ANAPC1: variants seen among roughly 807,000 people sequenced by gnomAD.
The protein encoded by ANAPC1 is anaphase-promoting complex subunit 1.
In ANAPC1, 36 loss-of-function variants were observed where a neutral mutation model predicts 208.0. The observed-to-expected ratio is 0.17, with a 90% confidence interval of 0.13 to 0.23. The LOEUF is 0.23. Ranked by LOEUF, ANAPC1 falls within the 10% of genes least tolerant of loss-of-function variation. The probability of loss-of-function intolerance (pLI) is 1.00; values close to 1 mark genes in which losing one functional copy is unlikely to be tolerated. For missense variants in ANAPC1, 942 were observed against 2,011.6 expected (o/e 0.47, Z 10.17); for synonymous variants, 378 against 695.2 (o/e 0.54, Z 7.18).
chr2:111,828,808 A>G (rs1679973569), intron 21 of ANAPC1, among the ~76,000 whole-genome samples: 1 of 152,238 alleles, frequency 6.6e-6, no homozygotes, highest in South Asian at 2.1e-4. Context: ...GGGAGTCACT[A>G]TCTAATAGGT....
In ANAPC1 at chr2:111,864,918, A is replaced by G. The variant is rs1682322548; in HGVS notation, c.719T>C (p.Val240Ala). The G allele has an allele frequency of 1.2e-6, 2 of 1,611,618 alleles. No homozygotes were observed. The highest frequency in any genetic ancestry group is 1.3e-5 in the African/African-American group (1 of 74,804). The stretch of plus-strand genomic sequence containing the variant: ...GAAAACAATTTTCATTGCATGATCT[A>G]CAACATATTGCACCCGTGATGAACC... The part of the protein sequence containing the change: ...LFGSSRVQYV[V>A]DHAMKIVFLN... Residue 240 changes from valine (V) to alanine (A), a missense_variant, in exon 8 of 48, where the codon GTA (valine) becomes GCA (alanine). By Grantham distance (64) the Val-to-Ala change is moderately conservative. Coordinates refer to ENST00000341068, the MANE Select transcript of ANAPC1 (RefSeq NM_022662.4).
At chr2:111,795,303 AT>A (rs1248300197) in intron 34 of ANAPC1, among the ~76,000 whole-genome samples, 1 of 151,784 alleles carries the variant, frequency 6.6e-6, no homozygotes, top group Non-Finnish European at 1.5e-5. Flanking sequence ...AATCACTTGA[AT>A]CTGGGAGGTG....
intron 11 of ANAPC1, among the ~76,000 whole-genome samples, 169 bp downstream of exon 11, chr2:111,858,129 ATAACACTG>A (rs1224599250): frequency 3.9e-5 from 6 of 152,160 alleles, no homozygotes; most frequent in African/African-American, 1.4e-4. Flanking sequence ...TGATGGTTGT[ATAACACTG>A]TAATTTACTA....
intron 13 of ANAPC1, among the ~76,000 whole-genome samples, chr2:111,854,470 A>G (rs2104532168): frequency 6.6e-6 from 1 of 152,306 alleles, no homozygotes; most frequent in Admixed American, 6.5e-5. Context: ...AGAGAGTCAG[A>G]CTGTCCTTTG....
chr2:111,875,254 T>G (rs1258967060), intron 3 of ANAPC1, among the ~76,000 whole-genome samples: 1 of 152,206 alleles, frequency 6.6e-6, no homozygotes, highest in Non-Finnish European at 1.5e-5. Context: ...TGCCCAATTT[T>G]TTAATTGGGT....
intron 28 of ANAPC1, among the ~76,000 whole-genome samples, chr2:111,810,152 T>C (rs1217130896): frequency 6.6e-6 from 1 of 152,214 alleles, no homozygotes; most frequent in Non-Finnish European, 1.5e-5. Flanking sequence ...TGGTACAACA[T>C]GGATGAACCC....
At chr2:111,829,786 T>A (rs1308782067) in intron 21 of ANAPC1, among the ~76,000 whole-genome samples, 1 of 152,144 alleles carries the variant, frequency 6.6e-6, no homozygotes, top group Non-Finnish European at 1.5e-5. Flanking sequence ...AAAATCAGTA[T>A]GGGACGGGCA....
At chr2:111,843,138 T>C (rs934796058) in intron 17 of ANAPC1, among the ~76,000 whole-genome samples, 6 of 152,330 alleles carry the variant, frequency 3.9e-5, no homozygotes, top group African/African-American at 1.4e-4. Context: ...TCACTAATCC[T>C]AGCATAACTT....
intron 47 of ANAPC1, 118 bp downstream of exon 47, chr2:111,772,223 T>C (rs1228317735): frequency 1.3e-6 from 1 of 797,848 alleles, no homozygotes; most frequent in Non-Finnish European, 2.0e-6. Flanking sequence ...TCCCTAACAA[T>C]GACACTGCAA....
At chr2:111,883,757 A>AGCCCGCAGGCCAGGAGC (rs370884984) in intron 1 of ANAPC1, among the ~76,000 whole-genome samples, 185 bp downstream of exon 1, 1 of 152,168 alleles carries the variant, frequency 6.6e-6, no homozygotes, top group African/African-American at 2.4e-5. Context: ...GGAGCACCCC[A>AGCCCGCAGGCCAGGAGC]GCCCGCAGGC....
Position 111,848,242 on chromosome 2 carries a change from A to G in ANAPC1, c.1651-377T>C, listed in dbSNP as rs145182549. ...AAGGTAGGTAAAAGGAAAACATCTG[A>G]TTGGTGGCTATGGAAAAGCTGTGGA... On this transcript the variant is annotated intron_variant, in intron 14 of 47. Coordinates refer to ENST00000341068, the MANE Select transcript of ANAPC1 (RefSeq NM_022662.4). 5.5e-3 allele frequency among the ~76,000 whole-genome samples: 831 copies of G among 152,196 alleles called. 11 individuals carry two copies. Among genetic ancestry groups the G allele is most frequent in the African/African-American group, 0.019 (801 of 41,522 alleles).
intron 24 of ANAPC1, among the ~76,000 whole-genome samples, 170 bp downstream of exon 24, chr2:111,824,796 T>A (rs1573399567): frequency 6.6e-6 from 1 of 152,312 alleles, no homozygotes; most frequent in East Asian, 1.9e-4. Context: ...AATATTATTA[T>A]ATGAAAGTTG....
At position 111,774,255 on chromosome 2, in the gene ANAPC1, T is replaced by A. The variant is rs1487238753; in HGVS notation, c.5585-1780A>T. 3.6e-3 allele frequency among the ~76,000 whole-genome samples: 478 copies of A among 132,116 alleles called. 3 individuals carry two copies. The highest frequency in any genetic ancestry group is 0.013 in the African/African-American group (451 of 35,030). The allele number at this position is 132,116 out of a possible 152,430, so 86.7% of individuals were successfully genotyped here. A position where few individuals can be genotyped will look rare whatever the true frequency, so the allele number is the denominator to read the frequency against. The stretch of plus-strand genomic sequence containing the variant: ...GAGAATTTTTAAAGAGGATTTTTTT[T>A]AAAAATTGGGAAAGTGTGCTATGAC... On this transcript the variant is annotated intron_variant, in intron 46 of 47. Transcript: ENST00000341068.
At chr2:111,864,161 T>C (rs1343487850) in intron 8 of ANAPC1, among the ~76,000 whole-genome samples, 4 of 151,960 alleles carry the variant, frequency 2.6e-5, no homozygotes, top group African/African-American at 7.2e-5. Context: ...ATCCCATCTC[T>C]ACAAAAAATT....
At chr2:111,879,583 A>T (rs186660398) in intron 2 of ANAPC1, among the ~76,000 whole-genome samples, 1 of 152,264 alleles carries the variant, frequency 6.6e-6, no homozygotes, top group East Asian at 1.9e-4. Context: ...CTTAAGAACT[A>T]TTACTCGCCG....
chr2:111,829,259 A>G (rs1573410328), intron 21 of ANAPC1, among the ~76,000 whole-genome samples: 2 of 152,196 alleles, frequency 1.3e-5, no homozygotes, highest in Non-Finnish European at 2.9e-5. Context: ...TATGTTATAT[A>G]TATTTTGCTA....
At chr2:111,847,926 A>T (rs1335367996) in intron 14 of ANAPC1, 61 bp from the exon 15 acceptor site, 3 of 1,423,654 alleles carry the variant, frequency 2.1e-6, no homozygotes, top group Non-Finnish European at 1.9e-6. Context: ...AGGACAAGGA[A>T]ATTTAACTGT....
chr2:111,848,724 G>A (rs1204222382), intron 14 of ANAPC1, among the ~76,000 whole-genome samples: 2 of 151,160 alleles, frequency 1.3e-5, no homozygotes, highest in African/African-American at 4.9e-5. Context: ...TTGCAGTACG[G>A]TGAGATTGCC....
At chr2:111,844,401 T>C (rs1159562026) in intron 16 of ANAPC1, among the ~76,000 whole-genome samples, 3 of 151,500 alleles carry the variant, frequency 2.0e-5, no homozygotes, top group Non-Finnish European at 2.9e-5. Flanking sequence ...AAACCCCATT[T>C]CTACTAAAAA....
Sources: gnomAD v4.1 joint callset for allele counts (sites outside exome capture counted in the v4.1 genomes callset) on GRCh38, gnomAD v4.1.1 for gene constraint, MANE v1.5 for transcripts, NCBI Gene and HGNC (gene_info 2026-07-23, HGNC 2026-07-21) for gene names.